MAP10: variants seen among roughly 807,000 people sequenced by gnomAD.
The protein encoded by MAP10 is microtubule associated protein 10, also known as microtubule-associated protein 10.
In MAP10, 10 loss-of-function variants were observed where a neutral mutation model predicts 6.3. The ratio of observed to expected loss-of-function variants is 1.58; its 90% CI spans 0.98 to 2.69. MAP10 has a LOEUF of 2.69. MAP10 is among the 30% of genes most tolerant of loss of function. The probability of loss-of-function intolerance (pLI) is 0.00; values close to 1 mark genes in which losing one functional copy is unlikely to be tolerated. For missense variants in MAP10, 1,189 were observed against 1,086.5 expected (o/e 1.09, Z -1.33); for synonymous variants, 459 against 429.3 (o/e 1.07, Z -0.86).
At chr1:232,807,549 T>G in the MAP10 span, 1 of 1,613,132 alleles carries the variant, frequency 6.2e-7, no homozygotes, top group East Asian at 2.2e-5. Flanking sequence ...AACTGAAGTA[T>G]TCAGATGATT....
In MAP10 at chr1:232,809,292, C is replaced by T. The variant is rs540738381; in HGVS notation, c.*1125C>T. The stretch of plus-strand genomic sequence containing the variant: ...TTTTTAGACTTTTTAATATATCTAA[C>T]GTTTTTGAATGTATGAAGTGAGGTT... On this transcript the variant is annotated 3_prime_UTR_variant, in exon 1 of 1. Coordinates refer to ENST00000418460, the MANE Select transcript of MAP10 (RefSeq NM_019090.3). Among the ~76,000 whole-genome samples the T allele has an allele frequency of 1.3e-5, 2 of 151,794 alleles. No homozygotes were observed. Among genetic ancestry groups the T allele is most frequent in the Non-Finnish European group, 2.9e-5 (2 of 67,870 alleles).
In MAP10 at chr1:232,809,181, T is replaced by A. The variant is rs573324720; in HGVS notation, c.*1014T>A. Among the ~76,000 whole-genome samples, 2 of 152,218 alleles carry A rather than the reference T, an allele frequency of 1.3e-5. No individual in the cohort carries two copies. Among genetic ancestry groups the A allele is most frequent in the Non-Finnish European group, 2.9e-5 (2 of 67,926 alleles). On this transcript the variant is annotated 3_prime_UTR_variant, in exon 1 of 1. Coordinates refer to ENST00000418460, the MANE Select transcript of MAP10 (RefSeq NM_019090.3). ...TTTTATGAAATCCAGTGATAATTTATAATTTATTCCATTGGTTTTATATTT... is the reference window on the plus strand; with the variant it reads ...TTTTATGAAATCCAGTGATAATTTAAAATTTATTCCATTGGTTTTATATTT...
In MAP10 at chr1:232,807,455, T is replaced by G; in HGVS notation, c.2006T>G (p.Val669Gly). The change falls in exon 1 of 1, where the codon GTC becomes GGC. Residue 669 changes from valine (V) to glycine (G), a missense_variant. Transcript: ENST00000418460. ...GATAAGGAAATAGATATTAGACAGG[T>G]CAAAACCACAGATAATGACATTCTT... is the stretch of plus-strand genomic sequence containing the variant. ...IVDKEIDIRQ[V>G]KTTDNDILMA... 1 of 1,613,756 alleles carries G rather than the reference T, an allele frequency of 6.2e-7. No individual in the cohort carries two copies. The highest frequency in any genetic ancestry group is 8.5e-7 in the Non-Finnish European group (1 of 1,179,796).
chr1:232,807,132 G>A lies in MAP10; in HGVS notation c.1683G>A (p.Lys561=), dbSNP rs770022059. The part of the protein sequence containing the change: ...QSQKPQLPED[K]YLDSDASFTE... ...AGAAGCCACAACTGCCTGAAGATAA[G>A]TATTTAGATTCAGATGCATCTTTCA... is the stretch of plus-strand genomic sequence containing the variant. Residue 561 remains lysine (K), a synonymous_variant, in exon 1 of 1, where the codon AAG becomes AAA. Coordinates refer to ENST00000418460, the MANE Select transcript of MAP10 (RefSeq NM_019090.3). The A allele has an allele frequency of 6.2e-6, 10 of 1,611,958 alleles. No individual in the cohort carries two copies. In the Admixed American group the frequency reaches 1.3e-4, roughly 22 times the overall value.
In MAP10 at chr1:232,806,026, G is replaced by C; in HGVS notation, c.577G>C (p.Glu193Gln). ...GGGAAGCCGCCTGCTGAGCCAACTT[G>C]AGCGGCCCCTCACCTTCACCCGCAC... ...DLGSRLLSQL[E>Q]RPLTFTRTGG... The change falls in exon 1 of 1, where the codon GAG becomes CAG. Residue 193 changes from glutamate to glutamine, a missense_variant. By Grantham distance (29) the Glu-to-Gln change is conservative. Transcript: ENST00000418460. The C allele has an allele frequency of 5.0e-6, 8 of 1,613,922 alleles. No individual in the cohort carries two copies. The highest frequency in any genetic ancestry group is 6.8e-6 in the Non-Finnish European group (8 of 1,179,856).
rs1428621442 is a variant in MAP10 at position 232,806,905 on chromosome 1, C to T, written c.1456C>T (p.Leu486Phe). 4 of 1,608,704 alleles carry T rather than the reference C, an allele frequency of 2.5e-6. No individual in the cohort carries two copies. The highest frequency in any genetic ancestry group is 3.4e-6 in the Non-Finnish European group (4 of 1,178,536). Residue 486 changes from leucine (L) to phenylalanine (F), a missense_variant, in exon 1 of 1, where the codon CTC (leucine) becomes TTC (phenylalanine). Coordinates refer to ENST00000418460, the MANE Select transcript of MAP10 (RefSeq NM_019090.3). ...ATATTCTGAAAAGAGCAGTGGTGCC[C>T]TCCATAAAAGAGTTCCAAAAGGGAG... ...DKYSEKSSGA[L>F]HKRVPKGRLL...
At position 232,805,937 on chromosome 1, in the gene MAP10, C is replaced by G; in HGVS notation, c.488C>G (p.Pro163Arg). ...TCCCACCGTCACCGGGGACGTTTCC[C>G]CCTGCATAATCGAGTGGGCGAGCGG... is the stretch of plus-strand genomic sequence containing the variant. ...GCSHRHRGRF[P>R]LHNRVGERTG... The change falls in exon 1 of 1, where the codon CCC (proline) becomes CGC (arginine). Residue 163 changes from proline to arginine, a missense_variant. By Grantham distance (103) the Pro-to-Arg change is moderately radical (BLOSUM62 -2). Transcript: ENST00000418460. 6.2e-7 allele frequency: 1 copy of G among 1,612,202 alleles called. No homozygotes were observed.
the MAP10 span, chr1:232,807,078 T>TA: frequency 6.2e-7 from 1 of 1,612,540 alleles, no homozygotes; most frequent in Non-Finnish European, 8.5e-7. Flanking sequence ...CATCCAAAGT[T>TA]AAACTATTAA....
chr1:232,808,202 T>C lies in MAP10; in HGVS notation c.*35T>C, dbSNP rs1282523552. On this transcript the variant is annotated 3_prime_UTR_variant, in exon 1 of 1. Coordinates refer to ENST00000418460, the MANE Select transcript of MAP10 (RefSeq NM_019090.3). ...CTTTTAAAAAACTTTCAAGGACCTA[T>C]GTGTACTGTTAGTGAAAAAAATTTT... The C allele has an allele frequency of 2.2e-6, 3 of 1,391,534 alleles. No individual in the cohort carries two copies. Among genetic ancestry groups the C allele is most frequent in the Non-Finnish European group, 2.8e-6 (3 of 1,054,178 alleles). 86.2% of individuals were successfully genotyped at this position (1,391,534 alleles called of 1,614,324 possible). A position where few individuals can be genotyped will look rare whatever the true frequency, so the allele number is the denominator to read the frequency against.
rs200934993 is a variant in MAP10 at position 232,806,052 on chromosome 1, A to T, written c.603A>T (p.Thr201=). ...AGCGGCCCCTCACCTTCACCCGCAC[A>T]GGAGGAGGAGCGGAGGTCAGTCCCC... The part of the protein sequence containing the change: ...QLERPLTFTR[T]GGGAEVSPQT... Residue 201 remains threonine (T), a synonymous_variant, in exon 1 of 1, where the codon ACA becomes ACT. Coordinates refer to ENST00000418460, the MANE Select transcript of MAP10 (RefSeq NM_019090.3). 1.2e-6 allele frequency: 2 copies of T among 1,614,020 alleles called. No individual in the cohort carries two copies. Among genetic ancestry groups the T allele is most frequent in the South Asian group, 1.1e-5 (1 of 91,082 alleles).
At position 232,807,104 on chromosome 1, in the gene MAP10, G is replaced by A; in HGVS notation, c.1655G>A (p.Ser552Asn). 6.2e-7 allele frequency: 1 copy of A among 1,611,774 alleles called. No individual in the cohort carries two copies. Among genetic ancestry groups the A allele is most frequent in the Admixed American group, 1.7e-5 (1 of 59,634 alleles). ...AAACTATTAAGCTCTGCAGAACAAA[G>A]TCAGAAGCCACAACTGCCTGAAGAT... The part of the protein sequence containing the change: ...KVKLLSSAEQ[S>N]QKPQLPEDKY... The change falls in exon 1 of 1, where the codon AGT becomes AAT. Residue 552 changes from serine (S) to asparagine (N), a missense_variant. Ser to Asn is a conservative substitution (Grantham distance 46). Transcript: ENST00000418460.
In MAP10 at chr1:232,805,564, G is replaced by A. The variant is rs1391279450; in HGVS notation, c.115G>A (p.Glu39Lys). The A allele has an allele frequency of 1.2e-5, 18 of 1,558,030 alleles. No individual in the cohort carries two copies. Among genetic ancestry groups the A allele is most frequent in the Non-Finnish European group, 1.6e-5 (18 of 1,151,750 alleles). Residue 39 changes from glutamate (E) to lysine (K), a missense_variant, in exon 1 of 1, where the codon GAG (glutamate) becomes AAG (lysine). Transcript: ENST00000418460. ...PAAAVEQEEE[E>K]EEKEQGEASS... ...TGCCGCAGTGGAGCAGGAGGAGGAA[G>A]AGGAGGAAAAGGAGCAGGGGGAGGC...
Position 232,805,609 on chromosome 1 carries a change from T to G in MAP10, c.160T>G (p.Cys54Gly), listed in dbSNP as rs957272225. ...QGEASSPRGLCPAVAFRLLDF... is the reference protein window; with the variant it reads ...QGEASSPRGLGPAVAFRLLDF... ...GGAGGCCTCGTCGCCGCGCGGTCTG[T>G]GCCCCGCCGTGGCCTTCCGCCTGCT... Residue 54 changes from cysteine to glycine, a missense_variant, in exon 1 of 1, where the codon TGC becomes GGC. Coordinates refer to ENST00000418460, the MANE Select transcript of MAP10 (RefSeq NM_019090.3). The G allele has an allele frequency of 1.3e-6, 2 of 1,562,402 alleles. No individual in the cohort carries two copies. Among genetic ancestry groups the G allele is most frequent in the Non-Finnish European group, 1.7e-6 (2 of 1,156,548 alleles).
chr1:232,807,342 C>T lies in MAP10; in HGVS notation c.1893C>T (p.Thr631=). The T allele has an allele frequency of 1.2e-6, 2 of 1,613,770 alleles. No homozygotes were observed. Among genetic ancestry groups the T allele is most frequent in the Non-Finnish European group, 1.7e-6 (2 of 1,179,770 alleles). ...PANSIIPERL[T]PTNILGGNVE... Reference sequence around the variant, plus strand: ...ATTCCATTATTCCAGAAAGGCTTACCCCTACAAATATTCTGGGAGGAAATG... The same window carrying T: ...ATTCCATTATTCCAGAAAGGCTTACTCCTACAAATATTCTGGGAGGAAATG... The change falls in exon 1 of 1, where the codon ACC becomes ACT. Residue 631 remains threonine, a synonymous_variant. Coordinates refer to ENST00000418460, the MANE Select transcript of MAP10 (RefSeq NM_019090.3).
chr1:232,805,526 T>A lies in MAP10; in HGVS notation c.77T>A (p.Leu26Gln), dbSNP rs757158631. The A allele has an allele frequency of 1.1e-5, 17 of 1,565,450 alleles. No individual in the cohort carries two copies. The highest frequency in any genetic ancestry group is 1.3e-5 in the Non-Finnish European group (15 of 1,154,818). The change falls in exon 1 of 1, where the codon CTG becomes CAG. Residue 26 changes from leucine (L) to glutamine (Q), a missense_variant. Physicochemically the swap from Leu to Gln is moderately radical, Grantham distance 113. Coordinates refer to ENST00000418460, the MANE Select transcript of MAP10 (RefSeq NM_019090.3). The part of the protein sequence containing the change: ...VDWVRLEARL[L>Q]PSPAAAVEQE... ...TGGGTGCGTTTGGAAGCCCGGCTGC[T>A]GCCGTCCCCCGCTGCCGCAGTGGAG...
rs1363377408 is a variant in MAP10 at position 232,807,146 on chromosome 1, A to G, written c.1697A>G (p.Asp566Gly). Residue 566 changes from aspartate (D) to glycine (G), a missense_variant, in exon 1 of 1, where the codon GAT becomes GGT. Asp to Gly is a moderately conservative substitution (Grantham distance 94). Transcript: ENST00000418460. Reference sequence around the variant, plus strand: ...CCTGAAGATAAGTATTTAGATTCAGATGCATCTTTCACTGAAAATAGTGAT... The same window carrying G: ...CCTGAAGATAAGTATTTAGATTCAGGTGCATCTTTCACTGAAAATAGTGAT... ...QLPEDKYLDS[D>G]ASFTENSDTS... is the part of the protein sequence containing the mutation. 2 of 1,612,588 alleles carry G rather than the reference A, an allele frequency of 1.2e-6. No homozygotes were observed. Among genetic ancestry groups the G allele is most frequent in the Middle Eastern group, 1.7e-4 (1 of 6,060 alleles).
rs1166989973 is a variant in MAP10, at chr1:232,806,684, C to T, written c.1235C>T (p.Pro412Leu). 4 of 1,613,774 alleles carry T rather than the reference C, an allele frequency of 2.5e-6. No homozygotes were observed. The African/African-American group carries it at 4.0e-5, about 16-fold the overall frequency. Residue 412 changes from proline to leucine, a missense_variant, in exon 1 of 1, where the codon CCT becomes CTT. By Grantham distance (98) the Pro-to-Leu change is moderately conservative (BLOSUM62 -3). Coordinates refer to ENST00000418460, the MANE Select transcript of MAP10 (RefSeq NM_019090.3). Reference protein sequence around the residue: ...LVELSLLYDQPVTSPAHIHPH... With the variant: ...LVELSLLYDQLVTSPAHIHPH... ...GAGTTGTCCTTGTTATATGACCAAC[C>T]TGTGACAAGTCCTGCTCATATACAT...
At position 232,805,776 on chromosome 1, in the gene MAP10, G is replaced by A; in HGVS notation, c.327G>A (p.Leu109=). Residue 109 remains leucine (L), a synonymous_variant, in exon 1 of 1, where the codon CTG becomes CTA. Transcript: ENST00000418460. ...LQPATLHCRL[L]RTPLATLLLQ... The stretch of plus-strand genomic sequence containing the variant: ...CTGCTACCCTGCACTGCCGGCTCCT[G>A]CGGACCCCGCTTGCCACCTTGCTGC... 1 of 1,599,928 alleles carries A rather than the reference G, an allele frequency of 6.3e-7. No individual in the cohort carries two copies. The highest frequency in any genetic ancestry group is 8.5e-7 in the Non-Finnish European group (1 of 1,174,272).
Position 232,806,316 on chromosome 1 carries a change from C to T in MAP10, c.867C>T (p.Val289=), listed in dbSNP as rs549361795. 6.2e-6 allele frequency: 10 copies of T among 1,613,956 alleles called. No individual in the cohort carries two copies. Among genetic ancestry groups the T allele is most frequent in the African/African-American group, 4.0e-5 (3 of 75,022 alleles). ...ATGTTAGCTCCCTAAATGAGGAAGT[C>T]ACAGAATTGGACATGGAGACCAATA... The part of the protein sequence containing the change: ...GRNVSSLNEE[V]TELDMETNIF... The change falls in exon 1 of 1, where the codon GTC becomes GTT. Residue 289 remains valine, a synonymous_variant. Coordinates refer to ENST00000418460, the MANE Select transcript of MAP10 (RefSeq NM_019090.3).
Sources: gnomAD v4.1 joint callset for allele counts (sites outside exome capture counted in the v4.1 genomes callset) on GRCh38, gnomAD v4.1.1 for gene constraint, MANE v1.5 for transcripts, NCBI Gene and HGNC (gene_info 2026-07-23, HGNC 2026-07-21) for gene names.